Variants in GSDMC observed in about 807,000 individuals in gnomAD.
The protein encoded by GSDMC is gasdermin-C.
A neutral mutation model predicts 58.0 loss-of-function variants in GSDMC; 59 were observed. The ratio of observed to expected loss-of-function variants is 1.02; its 90% CI spans 0.82 to 1.26. GSDMC has a LOEUF of 1.26. Among genes scored for constraint, GSDMC ranks in the 50% most tolerant of loss-of-function variants. The pLI is 0.00. For missense variants in GSDMC, 659 were observed against 598.5 expected (o/e 1.10, Z -1.06); for synonymous variants, 241 against 220.2 (o/e 1.09, Z -0.83).
At chr8:129,779,494 A>G (rs933867982) in intron 1 of GSDMC, among the ~76,000 whole-genome samples, 1 of 152,176 alleles carries the variant, frequency 6.6e-6, no homozygotes, top group Non-Finnish European at 1.5e-5. Flanking sequence ...TGATCAGGAA[A>G]AATAACGAAT....
chr8:129,762,597 T>G (rs1325010467), intron 5 of GSDMC, 29 bp downstream of exon 5: 2 of 1,373,394 alleles, frequency 1.5e-6, no homozygotes, highest in Admixed American at 3.4e-5. Flanking sequence ...TCCACTGCCA[T>G]CTGCCTTGCT....
chr8:129,750,669 C>T (rs1321644747), intron 10 of GSDMC, 99 bp from the exon 11 acceptor site: 5 of 1,210,418 alleles, frequency 4.1e-6, no homozygotes, highest in Non-Finnish European at 5.9e-6. Flanking sequence ...GAACCAAACT[C>T]CTCTATCCCT....
intron 7 of GSDMC, 104 bp from the exon 8 acceptor site, chr8:129,752,251 TCC>T (rs1265887790): frequency 1.3e-5 from 11 of 842,392 alleles, no homozygotes; most frequent in Non-Finnish European, 2.2e-5. Flanking sequence ...TCCTCTATCC[TCC>T]CCTTATTTCT....
chr8:129,765,443 G>GGATA (rs1416082833), intron 4 of GSDMC, among the ~76,000 whole-genome samples, 185 bp downstream of exon 4: 2 of 152,120 alleles, frequency 1.3e-5, no homozygotes, highest in African/African-American at 2.4e-5. Context: ...CTGTAACGGA[G>GGATA]GATATTAGAA....
At chr8:129,722,098 A>T in the GSDMC span, among the ~76,000 whole-genome samples, 1 of 152,202 alleles carries the variant, frequency 6.6e-6, no homozygotes. Context: ...CTTAATTCCA[A>T]TTTCATTCCA....
the GSDMC span, among the ~76,000 whole-genome samples, chr8:129,727,039 C>T: frequency 7.6e-6 from 1 of 131,834 alleles, no homozygotes; most frequent in African/African-American, 2.8e-5. Context: ...TTCACATACT[C>T]ATTTACGCAC....
At chr8:129,737,146 C>A in the GSDMC span, among the ~76,000 whole-genome samples, 2 of 152,090 alleles carry the variant, frequency 1.3e-5, no homozygotes, top group African/African-American at 2.4e-5. Flanking sequence ...AAAGAGGACA[C>A]AAACAAATGG....
chr8:129,755,298 G>A (rs1327546174), intron 6 of GSDMC, among the ~76,000 whole-genome samples: 2 of 152,078 alleles, frequency 1.3e-5, no homozygotes, highest in African/African-American at 4.8e-5. Context: ...TACAGGCCAG[G>A]AGAGAATGGC....
chr8:129,728,878 G>T, the GSDMC span: 1 of 649,896 alleles, frequency 1.5e-6, no homozygotes, highest in Non-Finnish European at 2.9e-6. Context: ...GGGCTCTTGT[G>T]GACCTTCCTC....
chr8:129,781,876 G>C (rs185015402), intron 1 of GSDMC, among the ~76,000 whole-genome samples: 1 of 152,064 alleles, frequency 6.6e-6, no homozygotes, highest in Non-Finnish European at 1.5e-5. Flanking sequence ...GAACCTAATA[G>C]GTATTTACAG....
At chr8:129,761,214 C>A (rs1344395990) in intron 5 of GSDMC, among the ~76,000 whole-genome samples, 2 of 152,112 alleles carry the variant, frequency 1.3e-5, no homozygotes, top group East Asian at 3.9e-4. Flanking sequence ...GATACATGCC[C>A]AGCAATGTAA....
chr8:129,711,475 A>G, the GSDMC span, among the ~76,000 whole-genome samples: 1 of 152,212 alleles, frequency 6.6e-6, no homozygotes, highest in Non-Finnish European at 1.5e-5. Flanking sequence ...AGGACAAAAC[A>G]GAGACCATTT....
chr8:129,774,005 C>T (rs893164852), intron 3 of GSDMC, among the ~76,000 whole-genome samples: 4 of 151,968 alleles, frequency 2.6e-5, no homozygotes, highest in Non-Finnish European at 5.9e-5. Flanking sequence ...TTTACAGATT[C>T]AATGCAATTC....
At chr8:129,783,470 C>T (rs144406429) in intron 1 of GSDMC, among the ~76,000 whole-genome samples, 3,687 of 152,074 alleles carry the variant, frequency 0.024, 221 homozygotes, top group East Asian at 0.19. Context: ...AAAAAGAAAT[C>T]AAGAAAGTAA....
chr8:129,738,482 AG>A, the GSDMC span, among the ~76,000 whole-genome samples: 1 of 152,232 alleles, frequency 6.6e-6, no homozygotes, highest in Non-Finnish European at 1.5e-5. Flanking sequence ...GCCATAAAAA[AG>A]GTTGAGTTCA....
chr8:129,726,556 G>C, the GSDMC span, among the ~76,000 whole-genome samples: 2 of 152,170 alleles, frequency 1.3e-5, no homozygotes, highest in Admixed American at 1.3e-4. Context: ...TCATTTTATA[G>C]ATAACCCAGA....
chr8:129,748,538 C>A lies in GSDMC; in HGVS notation c.1490G>T (p.Gly497Val). The A allele has an allele frequency of 6.2e-7, 1 of 1,612,650 alleles. No individual in the cohort carries two copies. The highest frequency in any genetic ancestry group is 1.1e-5 in the South Asian group (1 of 90,772). ...EAKMPLSALY[G>V]TLSLLQQLAE... Reference sequence around the variant, plus strand: ...CAGCTGCTGCAGCAACGAGAGAGTCCCATAGAGGGCAGACAGGGGCATCTT... The same window carrying A: ...CAGCTGCTGCAGCAACGAGAGAGTCACATAGAGGGCAGACAGGGGCATCTT... The change falls in exon 14 of 14, where the codon GGG (glycine) becomes GTG (valine). Residue 497 changes from glycine (G) to valine (V), a missense_variant. Gly to Val is a moderately radical substitution (Grantham distance 109). Transcript: ENST00000276708.
At chr8:129,743,950 G>A (rs1179461468), downstream of GSDMC, among the ~76,000 whole-genome samples, 1 of 152,196 alleles carries the variant, frequency 6.6e-6, no homozygotes, top group Non-Finnish European at 1.5e-5. Context: ...CTAGCTGATA[G>A]CTTTTAAATC....
At chr8:129,728,037 G>A in the GSDMC span, among the ~76,000 whole-genome samples, 1 of 152,102 alleles carries the variant, frequency 6.6e-6, no homozygotes, top group Non-Finnish European at 1.5e-5. Context: ...GGCATTCAGA[G>A]CACACTTGGC....
Sources: allele counts gnomAD v4.1 joint callset (sites outside exome capture counted in the v4.1 genomes callset), GRCh38; gene constraint gnomAD v4.1.1; transcripts MANE v1.5; gene names NCBI Gene and HGNC (gene_info 2026-07-23, HGNC 2026-07-21).